The following SLC14A1 variants were observed in gnomAD, a reference collection of about 807,000 sequenced individuals.
The protein encoded by SLC14A1 is solute carrier family 14 member 1 (Kidd blood group).
A neutral mutation model predicts 39.6 loss-of-function variants in SLC14A1; 36 were observed. The ratio of observed to expected loss-of-function variants is 0.91; its 90% CI spans 0.70 to 1.20. The LOEUF is 1.20. Ranked by LOEUF, SLC14A1 falls within the 50% of genes most tolerant of loss-of-function variation. The pLI is 0.00. For missense variants in SLC14A1, 469 were observed against 478.7 expected (o/e 0.98, Z 0.19); for synonymous variants, 164 against 173.6 (o/e 0.94, Z 0.43).
chr18:45,742,466 T>C (rs745531438), intron 8 of SLC14A1, among the ~76,000 whole-genome samples: 69 of 149,374 alleles, frequency 4.6e-4, no homozygotes, highest in South Asian at 3.2e-3. Flanking sequence ...TTCAAGCGGT[T>C]CTCCTGCCTC....
Position 45,751,604 on chromosome 18 carries a change from T to C in SLC14A1, c.*1653T>C, listed in dbSNP as rs754455446. 170 of 708,274 alleles carry C rather than the reference T, an allele frequency of 2.4e-4. No homozygotes were observed. The highest frequency in any genetic ancestry group is 2.9e-4 in the Non-Finnish European group (166 of 578,014). The allele number at this position is 708,274 out of a possible 1,614,324, so 43.9% of individuals were successfully genotyped here. A position where few individuals can be genotyped will look rare whatever the true frequency, so the allele number is the denominator to read the frequency against. Reference sequence around the variant, plus strand: ...ACCAGCTTGGGCAACATAGCAAGACTCCATCTCTTAAAAAATAAAAATAGT... The same window carrying C: ...ACCAGCTTGGGCAACATAGCAAGACCCCATCTCTTAAAAAATAAAAATAGT... On this transcript the variant is annotated 3_prime_UTR_variant, in exon 10 of 10. Transcript: ENST00000321925.
Position 45,752,374 on chromosome 18 carries a change from C to T in SLC14A1, c.*2423C>T, listed in dbSNP as rs533091751. 39 of 303,120 alleles carry T rather than the reference C, an allele frequency of 1.3e-4. No individual in the cohort carries two copies. The highest frequency in any genetic ancestry group is 1.7e-3 in the Middle Eastern group (1 of 586). 18.8% of individuals were successfully genotyped at this position (303,120 alleles called of 1,614,324 possible). A position where few individuals can be genotyped will look rare whatever the true frequency, so the allele number is the denominator to read the frequency against. Reference sequence around the variant, plus strand: ...TGTAAATGGGAACATTGTACATTGTCGAATTTAAATGATATTAATTTTCTC... The same window carrying T: ...TGTAAATGGGAACATTGTACATTGTTGAATTTAAATGATATTAATTTTCTC... On this transcript the variant is annotated 3_prime_UTR_variant, in exon 10 of 10. Coordinates refer to ENST00000321925, the MANE Select transcript of SLC14A1 (RefSeq NM_015865.7).
intron 2 of SLC14A1, chr18:45,729,359 C>T (rs1599250666): frequency 6.6e-6 from 1 of 152,198 alleles, no homozygotes; most frequent in South Asian, 2.1e-4. Flanking sequence ...ACCATCAGCA[C>T]AATGAAATCA....
intron 5 of SLC14A1, among the ~76,000 whole-genome samples, chr18:45,735,462 T>C (rs1341968124): frequency 3.3e-5 from 5 of 152,152 alleles, no homozygotes; most frequent in Non-Finnish European, 7.3e-5. Context: ...CTGAATTCCT[T>C]TTTTTTCAAA....
At chr18:45,739,736 G>T in intron 8 of SLC14A1, 74 bp downstream of exon 8, 2 of 1,599,692 alleles carry the variant, frequency 1.3e-6, no homozygotes, top group Non-Finnish European at 1.7e-6. Flanking sequence ...CAGTAAAAAC[G>T]GACTGCATGA....
intron 2 of SLC14A1, among the ~76,000 whole-genome samples, chr18:45,727,605 G>C (rs1020958172): frequency 3.9e-5 from 6 of 152,242 alleles, no homozygotes; most frequent in African/African-American, 9.6e-5. Context: ...ATTGAGCTGA[G>C]AAGTTTTGAC....
At chr18:45,730,132 T>G in intron 2 of SLC14A1, 168 bp from the exon 3 acceptor site, 2 of 597,964 alleles carry the variant, frequency 3.3e-6, no homozygotes, top group Non-Finnish European at 5.6e-6. Flanking sequence ...TACTGTGGGA[T>G]TTGGGTTTGG....
At position 45,740,701 on chromosome 18, in the gene SLC14A1, GTTAAT is replaced by G. The variant is rs373360866; in HGVS notation, c.946+1042_946+1046del. ...GACCACAGGCGTGCCACCATGCCTG[GTTAAT>G]TTTTTATTTTTTATAGAGATGGGGT... is the stretch of plus-strand genomic sequence containing the variant. On this transcript the variant is annotated intron_variant, in intron 8 of 9. Transcript: ENST00000321925. Among the ~76,000 whole-genome samples the G allele has an allele frequency of 1.3e-3, 201 of 152,002 alleles. 1 individual carries two copies. The highest frequency in any genetic ancestry group is 4.7e-3 in the African/African-American group (196 of 41,478).
chr18:45,739,216 A>C lies in SLC14A1; in HGVS notation c.717A>C (p.Pro239=). Residue 239 remains proline, a synonymous_variant, in exon 7 of 10, where the codon CCA becomes CCC. Coordinates refer to ENST00000321925, the MANE Select transcript of SLC14A1 (RefSeq NM_015865.7). The part of the protein sequence containing the change: ...GVGQIYGCDN[P]WTGGIFLGAI... ...GTCAGATCTATGGCTGTGATAATCC[A>C]TGGACAGGGGGCATTTTCCTGGGAG... 6.2e-7 allele frequency: 1 copy of C among 1,614,104 alleles called. No homozygotes were observed. The highest frequency in any genetic ancestry group is 8.5e-7 in the Non-Finnish European group (1 of 1,180,004).
At position 45,736,582 on chromosome 18, in the gene SLC14A1, A is replaced by C. The variant is rs1484816499; in HGVS notation, c.597A>C (p.Pro199=). The C allele has an allele frequency of 6.2e-7, 1 of 1,614,154 alleles. No homozygotes were observed. Among genetic ancestry groups the C allele is most frequent in the South Asian group, 1.1e-5 (1 of 91,086 alleles). Residue 199 remains proline, a synonymous_variant, in exon 6 of 10, where the codon CCA becomes CCC. Coordinates refer to ENST00000321925, the MANE Select transcript of SLC14A1 (RefSeq NM_015865.7). ...SATGHYNPFF[P]AKLVIPITTA... is the part of the protein sequence containing the mutation. Reference sequence around the variant, plus strand: ...CAGGACATTACAATCCATTCTTTCCAGCCAAACTGGTCATACCTATAACTA... The same window carrying C: ...CAGGACATTACAATCCATTCTTTCCCGCCAAACTGGTCATACCTATAACTA...
chr18:45,734,248 T>C (rs764408726), intron 4 of SLC14A1, 26 bp from the exon 5 acceptor site: 6 of 1,613,768 alleles, frequency 3.7e-6, no homozygotes, highest in African/African-American at 1.3e-5. Context: ...CCAGGAAATG[T>C]CCGTGCTGTG....
chr18:45,749,684 C>G, intron 9 of SLC14A1, 94 bp from the exon 10 acceptor site: 1 of 1,453,270 alleles, frequency 6.9e-7, no homozygotes, highest in Non-Finnish European at 9.7e-7. Context: ...TGGTTCATCC[C>G]CCTGGGCTGA....
intron 8 of SLC14A1, among the ~76,000 whole-genome samples, chr18:45,742,127 G>A (rs1199263477): frequency 1.3e-5 from 2 of 152,058 alleles, no homozygotes; most frequent in African/African-American, 2.4e-5. Context: ...TCTCCAGGGG[G>A]CCATTTCCAC....
At chr18:45,730,588 C>T (rs1599255357) in intron 3 of SLC14A1, 117 bp downstream of exon 3, 2 of 1,159,936 alleles carry the variant, frequency 1.7e-6, no homozygotes, top group African/African-American at 1.5e-5. Flanking sequence ...GATCTCTTTA[C>T]TCACCATTTT....
intron 5 of SLC14A1, among the ~76,000 whole-genome samples, chr18:45,734,917 G>A (rs1172090715): frequency 2.0e-5 from 3 of 152,212 alleles, no homozygotes; most frequent in Non-Finnish European, 2.9e-5. Context: ...TTTAAAAGAT[G>A]TATATTTCCT....
intron 2 of SLC14A1, among the ~76,000 whole-genome samples, chr18:45,726,461 A>G (rs1214824718): frequency 3.3e-5 from 5 of 152,232 alleles, no homozygotes; most frequent in Non-Finnish European, 7.3e-5. Flanking sequence ...GTGGAATTCA[A>G]CTAAAAACTG....
intron 6 of SLC14A1, among the ~76,000 whole-genome samples, chr18:45,737,986 A>AAAACAAAC (rs953758609): frequency 6.6e-6 from 1 of 152,216 alleles, no homozygotes. Context: ...GCCAAGTCCA[A>AAAACAAAC]AAACAAACAA....
chr18:45,727,538 A>C, intron 2 of SLC14A1: 1 of 1,216,462 alleles, frequency 8.2e-7, no homozygotes, highest in Non-Finnish European at 1.1e-6. Flanking sequence ...AGCCAAAGGC[A>C]CAGGGATCTT....
chr18:45,743,919 A>T (rs2047466150), intron 8 of SLC14A1, among the ~76,000 whole-genome samples: 1 of 152,194 alleles, frequency 6.6e-6, no homozygotes, highest in East Asian at 1.9e-4. Context: ...GATTTGTCGT[A>T]AGTATAAGTT....
Sources: allele counts gnomAD v4.1 joint callset (sites outside exome capture counted in the v4.1 genomes callset), GRCh38; gene constraint gnomAD v4.1.1; transcripts MANE v1.5; gene names NCBI Gene and HGNC (gene_info 2026-07-23, HGNC 2026-07-21).